The following MBNL1 variants were observed in gnomAD, a reference collection of about 807,000 sequenced individuals.
The protein encoded by MBNL1 is muscleblind like splicing regulator 1.
A neutral mutation model predicts 42.2 loss-of-function variants in MBNL1; 8 were observed. The ratio of observed to expected loss-of-function variants is 0.19; its 90% CI spans 0.11 to 0.34. The LOEUF is 0.34. MBNL1 is among the 10% of genes least tolerant of loss of function. The probability of loss-of-function intolerance (pLI) is 1.00; values close to 1 mark genes in which losing one functional copy is unlikely to be tolerated. For missense variants in MBNL1, 309 were observed against 495.3 expected (o/e 0.62, Z 3.57); for synonymous variants, 169 against 173.9 (o/e 0.97, Z 0.22).
In MBNL1 at chr3:152,332,735, T is replaced by TGCGC. The variant is rs548290388; in HGVS notation, c.174+32369_174+32370insCGCG. On this transcript the variant is annotated intron_variant, in intron 2 of 9. Transcript: ENST00000324210. ...GTGTGTGTGTGTGTGTGTGTGTGTG[T>TGCGC]GTGTGCGCGCGCGCATGCGCACACA... Among the ~76,000 whole-genome samples, 123 of 119,720 alleles carry TGCGC rather than the reference T, an allele frequency of 1.0e-3. 1 individual carries two copies. Among genetic ancestry groups the TGCGC allele is most frequent in the South Asian group, 4.3e-3 (16 of 3,680 alleles). 78.5% of individuals were successfully genotyped at this position (119,720 alleles called of 152,430 possible).
At chr3:152,299,204 C>G (rs953029089) in intron 1 of MBNL1, 17 of 152,742 alleles carry the variant, frequency 1.1e-4, no homozygotes, top group Non-Finnish European at 2.1e-4. Context: ...CAAGGGGAAA[C>G]GGCCCCTTTT....
At chr3:152,269,153 GC>G (rs2038413432) in intron 1 of MBNL1, 61 bp downstream of exon 1, 1 of 426,450 alleles carries the variant, frequency 2.3e-6, no homozygotes, top group African/African-American at 2.0e-5. Context: ...CGGCGGGTCT[GC>G]CCGTGGCTGA....
chr3:152,297,005 C>G (rs529723317), intron 1 of MBNL1, among the ~76,000 whole-genome samples: 2 of 152,152 alleles, frequency 1.3e-5, no homozygotes, highest in African/African-American at 4.8e-5. Flanking sequence ...GGCAGTATTA[C>G]GATATGGATG....
At chr3:152,333,096 T>C (rs971079298) in intron 2 of MBNL1, among the ~76,000 whole-genome samples, 1 of 152,204 alleles carries the variant, frequency 6.6e-6, no homozygotes, top group Non-Finnish European at 1.5e-5. Context: ...GTTTGGACCC[T>C]GCATGTAACT....
intron 2 of MBNL1, among the ~76,000 whole-genome samples, chr3:152,332,086 A>G (rs549478257): frequency 6.6e-6 from 1 of 152,330 alleles, no homozygotes; most frequent in African/African-American, 2.4e-5. Flanking sequence ...AATAAAAACT[A>G]TAGCTATAAT....
At chr3:152,364,841 T>A (rs2096255055) in intron 2 of MBNL1, among the ~76,000 whole-genome samples, 1 of 152,094 alleles carries the variant, frequency 6.6e-6, no homozygotes, top group East Asian at 1.9e-4. Context: ...GAATACAATT[T>A]GTTATTTTGT....
At chr3:152,448,559 AC>A (rs1715238102) in intron 6 of MBNL1, among the ~76,000 whole-genome samples, 1 of 151,924 alleles carries the variant, frequency 6.6e-6, no homozygotes, top group South Asian at 2.1e-4. Flanking sequence ...CTCAAATCTC[AC>A]TTTCCTCTTT....
chr3:152,416,289 T>A (rs1292241918), intron 3 of MBNL1, among the ~76,000 whole-genome samples: 1 of 152,208 alleles, frequency 6.6e-6, no homozygotes, highest in Non-Finnish European at 1.5e-5. Flanking sequence ...GAGAATATAA[T>A]TAATTATGTG....
chr3:152,258,923 C>T (rs1366759245), intron 2 of MBNL1, among the ~76,000 whole-genome samples: 1 of 152,182 alleles, frequency 6.6e-6, no homozygotes, highest in Non-Finnish European at 1.5e-5. Context: ...CTAGTGTCCA[C>T]GTGGGCTTCT....
At chr3:152,428,874 T>C (rs1009282044) in intron 3 of MBNL1, among the ~76,000 whole-genome samples, 4 of 152,256 alleles carry the variant, frequency 2.6e-5, no homozygotes, top group South Asian at 2.1e-4. Flanking sequence ...CACTCATTTG[T>C]GTCTATAGAC....
chr3:152,289,030 T>C (rs1447902022), intron 1 of MBNL1, among the ~76,000 whole-genome samples: 2 of 152,030 alleles, frequency 1.3e-5, no homozygotes, highest in Non-Finnish European at 2.9e-5. Context: ...TTAACAAATA[T>C]AGAAAAATAT....
intron 2 of MBNL1, among the ~76,000 whole-genome samples, chr3:152,410,218 T>A (rs2098534079): frequency 6.6e-6 from 1 of 152,148 alleles, no homozygotes; most frequent in Admixed American, 6.5e-5. Flanking sequence ...GATTAAACAC[T>A]TAATCTAAAT....
At chr3:152,291,538 C>T (rs759256093) in intron 1 of MBNL1, among the ~76,000 whole-genome samples, 1 of 152,164 alleles carries the variant, frequency 6.6e-6, no homozygotes, top group African/African-American at 2.4e-5. Context: ...AAAATACAAA[C>T]TAGTCTGATA....
intron 2 of MBNL1, among the ~76,000 whole-genome samples, chr3:152,384,501 A>G (rs1310627705): frequency 6.6e-6 from 1 of 152,116 alleles, no homozygotes; most frequent in African/African-American, 2.4e-5. Context: ...AAAACCATCA[A>G]ACTTCAGATG....
intron 1 of MBNL1, among the ~76,000 whole-genome samples, chr3:152,283,917 C>A (rs1559995967): frequency 6.6e-6 from 1 of 152,144 alleles, no homozygotes; most frequent in Admixed American, 6.6e-5. Context: ...TGAAACTAAC[C>A]TTGACCTCTC....
At chr3:152,252,784 A>G (rs555494798) in intron 2 of MBNL1, among the ~76,000 whole-genome samples, 1 of 152,296 alleles carries the variant, frequency 6.6e-6, no homozygotes, top group Admixed American at 6.5e-5. Flanking sequence ...TAAAGCAAAT[A>G]AAGACAAGAG....
At chr3:152,370,020 C>G (rs944872402) in intron 2 of MBNL1, among the ~76,000 whole-genome samples, 2 of 152,112 alleles carry the variant, frequency 1.3e-5, no homozygotes, top group African/African-American at 4.8e-5. Flanking sequence ...TGGTTCTACT[C>G]TGATCTTAGT....
chr3:152,331,557 A>C (rs187848138), intron 2 of MBNL1, among the ~76,000 whole-genome samples: 72 of 152,082 alleles, frequency 4.7e-4, no homozygotes, highest in African/African-American at 1.7e-3. Flanking sequence ...TATGGCCTAG[A>C]GTTTATGCTT....
intron 2 of MBNL1, among the ~76,000 whole-genome samples, chr3:152,359,540 A>G (rs917759903): frequency 6.6e-6 from 1 of 152,204 alleles, no homozygotes. Context: ...CCTAAGTGAA[A>G]TCACTAAATG....
Sources: gnomAD v4.1 joint callset for allele counts (sites outside exome capture counted in the v4.1 genomes callset) on GRCh38, gnomAD v4.1.1 for gene constraint, MANE v1.5 for transcripts, NCBI Gene and HGNC (gene_info 2026-07-23, HGNC 2026-07-21) for gene names.